SLC9C2: variants seen among roughly 807,000 people sequenced by gnomAD.
SLC9C2 encodes sodium/hydrogen exchanger 11.
SLC9C2 carries 75 observed loss-of-function variants against 140.2 expected under a neutral mutation model. The observed-to-expected ratio is 0.53, with a 90% CI of 0.44 to 0.65. The LOEUF (loss-of-function observed/expected upper bound fraction) is 0.65. SLC9C2 is among the 30% of genes least tolerant of loss of function. The probability of loss-of-function intolerance (pLI) is 0.00; values close to 1 mark genes in which losing one functional copy is unlikely to be tolerated. For synonymous variants in SLC9C2, 375 were observed against 420.9 expected, an observed-to-expected ratio of 0.89 and a Z score of 1.34; for missense variants, 1,074 against 1,331.8, an observed-to-expected ratio of 0.81 and a Z score of 3.01.
intron 10 of SLC9C2, 38 bp downstream of exon 10, chr1:173,557,302 G>A (rs956558513): frequency 1.3e-6 from 2 of 1,571,488 alleles, no homozygotes; most frequent in African/African-American, 2.8e-5. Context: ...AAGTAAAAAT[G>A]ATAAATATGA....
chr1:173,508,774 G>A (rs562390629), intron 24 of SLC9C2, among the ~76,000 whole-genome samples: 2 of 152,242 alleles, frequency 1.3e-5, no homozygotes, highest in South Asian at 2.1e-4. Context: ...TACTAAATAG[G>A]ATACAAATGT....
At chr1:173,595,114 G>A (rs771074391) in intron 4 of SLC9C2, among the ~76,000 whole-genome samples, 5 of 152,072 alleles carry the variant, frequency 3.3e-5, no homozygotes, top group South Asian at 2.1e-4. Context: ...ACCTGACCTC[G>A]TAATCTGCCT....
intron 13 of SLC9C2, among the ~76,000 whole-genome samples, chr1:173,540,484 C>T (rs558592945): frequency 6.6e-6 from 1 of 152,166 alleles, no homozygotes; most frequent in Admixed American, 6.5e-5. Context: ...AGCTTTGGAA[C>T]TGGGTGGTGG....
In SLC9C2 at chr1:173,533,678, G is replaced by A. The variant is rs1228620764; in HGVS notation, c.2094C>T (p.Asn698=). ...CVYFVKLRPD[N]LALIQLTVIM... is the part of the protein sequence containing the mutation. ...TTACTGTAAGCTGTATAAGAGCCAA[G>A]TTGTCTGGTCTCAATTTCACAAAGT... is the stretch of plus-strand genomic sequence containing the variant. Residue 698 remains asparagine (N), a synonymous_variant, in exon 17 of 28, where the codon AAC becomes AAT. Coordinates refer to ENST00000367714, the MANE Select transcript of SLC9C2 (RefSeq NM_178527.4). 1 of 1,612,168 alleles carries A rather than the reference G, an allele frequency of 6.2e-7. No homozygotes were observed. The highest frequency in any genetic ancestry group is 8.5e-7 in the Non-Finnish European group (1 of 1,178,558).
At chr1:173,505,164 C>T in intron 26 of SLC9C2, 83 bp downstream of exon 26, 2 of 1,172,464 alleles carry the variant, frequency 1.7e-6, no homozygotes, top group East Asian at 4.9e-5. Context: ...CCTCTCAAAT[C>T]ACTTTCTTAG....
At chr1:173,559,367 A>G (rs1237337260) in intron 9 of SLC9C2, among the ~76,000 whole-genome samples, 1 of 152,226 alleles carries the variant, frequency 6.6e-6, no homozygotes, top group Non-Finnish European at 1.5e-5. Flanking sequence ...TGCAGAGAAC[A>G]TCTATTGATT....
intron 10 of SLC9C2, among the ~76,000 whole-genome samples, chr1:173,556,845 T>C (rs939487443): frequency 2.6e-5 from 4 of 151,826 alleles, no homozygotes; most frequent in Non-Finnish European, 5.9e-5. Flanking sequence ...TGAGAATTGC[T>C]TAAACCTGGG....
intron 1 of SLC9C2, among the ~76,000 whole-genome samples, 176 bp from the exon 2 acceptor site, chr1:173,602,031 C>A (rs1247546147): frequency 6.6e-6 from 1 of 152,102 alleles, no homozygotes; most frequent in Non-Finnish European, 1.5e-5. Context: ...ACACTAACAG[C>A]AGTGTTAGTG....
At chr1:173,541,704 G>C (rs10798287) in intron 13 of SLC9C2, among the ~76,000 whole-genome samples, 54,160 of 151,932 alleles carry the variant, frequency 0.36, 12,125 homozygotes, top group East Asian at 0.65. Context: ...GATTAAGAAA[G>C]TCATTCAAAA....
chr1:173,558,085 A>T (rs1365273459), intron 9 of SLC9C2, among the ~76,000 whole-genome samples: 26 of 152,212 alleles, frequency 1.7e-4, no homozygotes, highest in Admixed American at 1.7e-3. Flanking sequence ...AGGGACTGGC[A>T]GTGAGAGAAT....
At chr1:173,545,779 C>T (rs1662802853) in intron 13 of SLC9C2, among the ~76,000 whole-genome samples, 1 of 152,096 alleles carries the variant, frequency 6.6e-6, no homozygotes, top group South Asian at 2.1e-4. Flanking sequence ...TAAATATGGC[C>T]ACAAATTCTG....
intron 9 of SLC9C2, among the ~76,000 whole-genome samples, chr1:173,569,121 T>C (rs1664679484): frequency 6.6e-6 from 1 of 152,080 alleles, no homozygotes; most frequent in Non-Finnish European, 1.5e-5. Context: ...ACTTTAAATA[T>C]GTCATGCCAC....
chr1:173,566,822 T>C (rs1664505169), intron 9 of SLC9C2, among the ~76,000 whole-genome samples: 2 of 151,396 alleles, frequency 1.3e-5, no homozygotes, highest in Non-Finnish European at 3.0e-5. Flanking sequence ...CATGTAACTA[T>C]AAATTTCCCT....
chr1:173,541,182 CAA>C (rs1202517282), intron 13 of SLC9C2, among the ~76,000 whole-genome samples: 7 of 131,998 alleles, frequency 5.3e-5, no homozygotes, highest in Admixed American at 7.6e-5. Flanking sequence ...AAATGGAAAG[CAA>C]AAAAAAAAAG....
intron 9 of SLC9C2, among the ~76,000 whole-genome samples, chr1:173,568,489 CA>C: frequency 6.6e-6 from 1 of 152,286 alleles, no homozygotes; most frequent in Non-Finnish European, 1.5e-5. Context: ...CATAGTATTT[CA>C]TGGTGTATAT....
At chr1:173,573,445 C>A (rs1664967148) in intron 8 of SLC9C2, 120 bp from the exon 9 acceptor site, 1 of 696,580 alleles carries the variant, frequency 1.4e-6, no homozygotes, top group Non-Finnish European at 2.2e-6. Flanking sequence ...CCCTTGCCTT[C>A]ATCTCTGTTA....
At chr1:173,600,473 A>T (rs1666714596) in intron 2 of SLC9C2, among the ~76,000 whole-genome samples, 1 of 151,980 alleles carries the variant, frequency 6.6e-6, no homozygotes, top group Non-Finnish European at 1.5e-5. Flanking sequence ...TCAACACTTT[A>T]TTATAAAATA....
At chr1:173,591,061 T>A (rs1406167730) in intron 4 of SLC9C2, among the ~76,000 whole-genome samples, 1 of 152,166 alleles carries the variant, frequency 6.6e-6, no homozygotes, top group Non-Finnish European at 1.5e-5. Context: ...CCCCAGTGTC[T>A]GTTGTTCCCC....
At chr1:173,584,474 G>A (rs1186759188) in intron 5 of SLC9C2, among the ~76,000 whole-genome samples, 2 of 152,100 alleles carry the variant, frequency 1.3e-5, no homozygotes, top group South Asian at 4.1e-4. Flanking sequence ...GTTTAAGAAA[G>A]TCTTCATTTT....
Sources: allele counts gnomAD v4.1 joint callset (sites outside exome capture counted in the v4.1 genomes callset), GRCh38; gene constraint gnomAD v4.1.1; transcripts MANE v1.5; gene names NCBI Gene and HGNC (gene_info 2026-07-23, HGNC 2026-07-21).